MYO3A: variants seen among roughly 807,000 people sequenced by gnomAD.
The protein encoded by MYO3A is myosin-IIIa.
Under a neutral mutation model 192.7 loss-of-function variants are expected in MYO3A, and 180 were observed. The observed-to-expected ratio is 0.93, with a 90% CI of 0.83 to 1.06. MYO3A has a LOEUF of 1.06. Among genes scored for constraint, MYO3A ranks in the 50% least tolerant of loss-of-function variants. MYO3A has a pLI of 0.00. For synonymous variants in MYO3A, 628 were observed against 645.3 expected, an observed-to-expected ratio of 0.97 and a Z score of 0.41; for missense variants, 1,896 against 1,905.0, an observed-to-expected ratio of 1.00 and a Z score of 0.09.
At position 26,176,737 on chromosome 10, in the gene MYO3A, A is replaced by G. The variant is rs773709474; in HGVS notation, c.4330A>G (p.Lys1444Glu). Residue 1444 changes from lysine (K) to glutamate (E), a missense_variant, in exon 31 of 35, where the codon AAA (lysine) becomes GAA (glutamate). Coordinates refer to ENST00000642920, the MANE Select transcript of MYO3A (RefSeq NM_017433.5). ...ATCTGAAGAATATTTCATTCTGCAG[A>G]AAAAATTGAATGAAATGATTTTGTC... ...KLSEEYFILQ[K>E]KLNEMILSQQ... The G allele has an allele frequency of 1.2e-6, 2 of 1,611,378 alleles. No individual in the cohort carries two copies. The highest frequency in any genetic ancestry group is 2.2e-5 in the East Asian group (1 of 44,860).
At chr10:25,959,575 A>G (rs1171743326) in intron 4 of MYO3A, among the ~76,000 whole-genome samples, 1 of 152,068 alleles carries the variant, frequency 6.6e-6, no homozygotes, top group Non-Finnish European at 1.5e-5. Flanking sequence ...TCTTGTTTGG[A>G]GACCTACCAT....
intron 15 of MYO3A, among the ~76,000 whole-genome samples, chr10:26,094,012 A>G (rs1836859702): frequency 6.6e-6 from 1 of 152,232 alleles, no homozygotes; most frequent in African/African-American, 2.4e-5. Context: ...TTCTCTTTAG[A>G]AATGTCTTCC....
intron 7 of MYO3A, among the ~76,000 whole-genome samples, chr10:26,017,882 A>G (rs1473356205): frequency 6.6e-6 from 1 of 151,368 alleles, no homozygotes; most frequent in Non-Finnish European, 1.5e-5. Context: ...TTGTTCTGAT[A>G]TATTACTAGT....
At chr10:26,209,561 A>G (rs1844126835) in intron 34 of MYO3A, among the ~76,000 whole-genome samples, 1 of 152,210 alleles carries the variant, frequency 6.6e-6, no homozygotes, top group South Asian at 2.1e-4. Context: ...CAAGGTTAAC[A>G]GTGACCTCCG....
chr10:26,100,887 A>G (rs1186444315), intron 17 of MYO3A, among the ~76,000 whole-genome samples: 2 of 152,128 alleles, frequency 1.3e-5, no homozygotes, highest in Non-Finnish European at 2.9e-5. Context: ...TTTGGGGTGG[A>G]GAGTTCTGTA....
Position 25,977,680 on chromosome 10 carries a change from A to G in MYO3A, c.304-18810A>G, listed in dbSNP as rs138271749. 1.1e-4 allele frequency among the ~76,000 whole-genome samples: 16 copies of G among 152,284 alleles called. No individual in the cohort carries two copies. In the East Asian group the frequency reaches 3.1e-3, roughly 29 times the overall value. On this transcript the variant is annotated intron_variant, in intron 4 of 34. Coordinates refer to ENST00000642920, the MANE Select transcript of MYO3A (RefSeq NM_017433.5). The stretch of plus-strand genomic sequence containing the variant: ...AAAACTTGTGTTTCATATTATATAA[A>G]ATGAGAATTTTGTGACTTTGAAGAG...
At chr10:25,990,472 T>C (rs1839943514) in intron 4 of MYO3A, among the ~76,000 whole-genome samples, 1 of 125,202 alleles carries the variant, frequency 8.0e-6, no homozygotes, top group Admixed American at 7.5e-5. Flanking sequence ...ATCATAATTC[T>C]TTTTTTTAAG....
intron 21 of MYO3A, among the ~76,000 whole-genome samples, chr10:26,144,195 A>G (rs1220053101): frequency 6.6e-6 from 1 of 151,760 alleles, no homozygotes; most frequent in Non-Finnish European, 1.5e-5. Flanking sequence ...AAAATGTCTT[A>G]CTCCTTAAAT....
In MYO3A at chr10:26,016,774, A is replaced by G. The variant is rs762228100; in HGVS notation, c.509-46A>G. The G allele has an allele frequency of 2.6e-6, 4 of 1,551,074 alleles. No homozygotes were observed. The South Asian group carries it at 3.3e-5, about 13-fold the overall frequency. ...AGATTATAGCAATTGAAAGCTCTTT[A>G]TATGAGTAATTAATGCAAAAAAGTA... On this transcript the variant is annotated intron_variant, in intron 6 of 34. Transcript: ENST00000642920.
At chr10:26,205,766 G>A (rs1471234875) in intron 34 of MYO3A, among the ~76,000 whole-genome samples, 7 of 151,266 alleles carry the variant, frequency 4.6e-5, no homozygotes, top group Admixed American at 2.0e-4. Flanking sequence ...ACAGGCACCC[G>A]CCATCACTCC....
At chr10:26,188,041 G>A (rs1354947894) in intron 31 of MYO3A, among the ~76,000 whole-genome samples, 4 of 152,108 alleles carry the variant, frequency 2.6e-5, no homozygotes, top group African/African-American at 9.7e-5. Context: ...GGTATTTCTA[G>A]TTCTAGATCC....
rs1351542481 is a variant in MYO3A at position 26,147,436 on chromosome 10, T to C, written c.2512T>C (p.Tyr838His). ...TAGCATACTGTATCAACAGGTCCTC[T>C]ATAATGCAAGTGGATTCTTAGCCAA... ...GIHHYAGKVL[Y>H]NASGFLAKNR... is the part of the protein sequence containing the mutation. The change falls in exon 23 of 35, where the codon TAT becomes CAT. Residue 838 changes from tyrosine (Y) to histidine (H), a missense_variant. Physicochemically the swap from Tyr to His is moderately conservative, Grantham distance 83. Coordinates refer to ENST00000642920, the MANE Select transcript of MYO3A (RefSeq NM_017433.5). 6.2e-7 allele frequency: 1 copy of C among 1,613,132 alleles called. No individual in the cohort carries two copies.
At chr10:26,001,407 G>C (rs1840803614) in intron 6 of MYO3A, among the ~76,000 whole-genome samples, 1 of 152,182 alleles carries the variant, frequency 6.6e-6, no homozygotes, top group Admixed American at 6.5e-5. Context: ...TGAGGCACTG[G>C]GCAGATCCCC....
chr10:26,067,613 C>T (rs888273783), intron 11 of MYO3A, among the ~76,000 whole-genome samples: 3 of 152,130 alleles, frequency 2.0e-5, no homozygotes, highest in African/African-American at 7.2e-5. Flanking sequence ...TTTCACACAG[C>T]TTATCTTTCG....
At chr10:25,950,983 A>G (rs529523159) in intron 2 of MYO3A, among the ~76,000 whole-genome samples, 3 of 152,274 alleles carry the variant, frequency 2.0e-5, no homozygotes, top group African/African-American at 7.2e-5. Context: ...ATGATATAAT[A>G]TAGGGAGAAT....
intron 31 of MYO3A, 145 bp downstream of exon 31, chr10:26,176,990 G>A: frequency 1.1e-6 from 1 of 949,178 alleles, no homozygotes; most frequent in Non-Finnish European, 1.6e-6. Context: ...CTTATATGGA[G>A]ATACAGTTTT....
intron 17 of MYO3A, among the ~76,000 whole-genome samples, chr10:26,113,335 C>T (rs1354541886): frequency 6.6e-6 from 1 of 151,886 alleles, no homozygotes; most frequent in African/African-American, 2.4e-5. Flanking sequence ...CCAGTTGTGG[C>T]AGCGTGCACC....
At chr10:26,006,540 A>G (rs1490718328) in intron 6 of MYO3A, among the ~76,000 whole-genome samples, 6 of 152,228 alleles carry the variant, frequency 3.9e-5, no homozygotes, top group Non-Finnish European at 1.5e-5. Flanking sequence ...AAAAAATGAT[A>G]AAGGGGATAT....
chr10:26,211,530 T>C (rs1200613841), intron 34 of MYO3A, among the ~76,000 whole-genome samples: 1 of 152,230 alleles, frequency 6.6e-6, no homozygotes, highest in East Asian at 1.9e-4. Context: ...TATTTGTTTA[T>C]TGGTTGTGAA....
Sources: allele counts gnomAD v4.1 joint callset (sites outside exome capture counted in the v4.1 genomes callset), GRCh38; gene constraint gnomAD v4.1.1; transcripts MANE v1.5; gene names NCBI Gene and HGNC (gene_info 2026-07-23, HGNC 2026-07-21).